SAP30BP: variants seen among roughly 807,000 people sequenced by gnomAD.
SAP30BP encodes the protein SAP30-binding protein.
Under a neutral mutation model 46.3 loss-of-function variants are expected in SAP30BP, and 31 were observed. That is an observed-to-expected ratio of 0.67 (90% CI 0.50 to 0.90). The LOEUF is 0.90. Among genes scored for constraint, SAP30BP ranks in the 40% least tolerant of loss-of-function variants. The pLI is 0.00. For missense variants in SAP30BP, 312 were observed against 391.0 expected (o/e 0.80, Z 1.70); for synonymous variants, 169 against 144.2 (o/e 1.17, Z -1.23).
chr17:75,669,863 T>C (rs1486968211), intron 2 of SAP30BP, among the ~76,000 whole-genome samples: 1 of 152,200 alleles, frequency 6.6e-6, no homozygotes. Flanking sequence ...AGCCAGAATT[T>C]AAGTTTGCAG....
chr17:75,676,134 A>T (rs1185531106), intron 3 of SAP30BP, among the ~76,000 whole-genome samples: 1 of 152,228 alleles, frequency 6.6e-6, no homozygotes. Flanking sequence ...TCAACAGGTG[A>T]TAGTTTCCTT....
intron 3 of SAP30BP, among the ~76,000 whole-genome samples, chr17:75,675,186 T>C (rs2059972238): frequency 6.6e-6 from 1 of 152,212 alleles, no homozygotes; most frequent in South Asian, 2.1e-4. Context: ...GTTTCGCTCT[T>C]GTTGCCCAAG....
At chr17:75,686,837 C>T (rs2060164713) in intron 3 of SAP30BP, among the ~76,000 whole-genome samples, 1 of 152,212 alleles carries the variant, frequency 6.6e-6, no homozygotes, top group African/African-American at 2.4e-5. Flanking sequence ...GGTTTGGAGG[C>T]TTTGCTGAGC....
At chr17:75,685,137 T>C (rs568625123) in intron 3 of SAP30BP, among the ~76,000 whole-genome samples, 1 of 152,248 alleles carries the variant, frequency 6.6e-6, no homozygotes, top group South Asian at 2.1e-4. Flanking sequence ...TGGTACACCC[T>C]CCCATCAGCC....
At chr17:75,672,163 A>C in intron 3 of SAP30BP, 1 of 390,164 alleles carries the variant, frequency 2.6e-6, no homozygotes, top group South Asian at 2.7e-5. Context: ...ATGGGGCTTT[A>C]AGTGTCACTG....
intron 4 of SAP30BP, among the ~76,000 whole-genome samples, chr17:75,696,260 C>T (rs1181467897): frequency 6.6e-6 from 1 of 152,036 alleles, no homozygotes; most frequent in Non-Finnish European, 1.5e-5. Context: ...CTCAGCTGGT[C>T]GCAGTGGCTC....
Position 75,706,720 on chromosome 17 carries a change from C to G in SAP30BP, c.*199C>G. 1.7e-6 allele frequency: 1 copy of G among 587,856 alleles called. No homozygotes were observed. Among genetic ancestry groups the G allele is most frequent in the Non-Finnish European group, 3.0e-6 (1 of 331,246 alleles). The allele number at this position is 587,856 out of a possible 1,614,324, so 36.4% of individuals were successfully genotyped here. A position where few individuals can be genotyped will look rare whatever the true frequency, so the allele number is the denominator to read the frequency against. On this transcript the variant is annotated 3_prime_UTR_variant, in exon 11 of 11. Coordinates refer to ENST00000584667, the MANE Select transcript of SAP30BP (RefSeq NM_013260.8). This position sits in a 1 kb window ranked among gnomAD's most constrained non-coding sequence, Gnocchi z 4.6. ...GTGGACAGGGTCTGTCCACGCACCA[C>G]CTGGGGTCTGCCGCCTATTAAAAGT...
chr17:75,698,268 T>C (rs991502770), intron 4 of SAP30BP, among the ~76,000 whole-genome samples: 2 of 152,234 alleles, frequency 1.3e-5, no homozygotes, highest in Non-Finnish European at 2.9e-5. Context: ...GGCCTTTTGT[T>C]CTCAGGAATG....
rs145346266 is a variant in SAP30BP at position 75,677,464 on chromosome 17, G to A, written c.264+5601G>A. 4.1e-3 allele frequency among the ~76,000 whole-genome samples: 522 copies of A among 127,070 alleles called. 2 individuals are homozygous for A. Among genetic ancestry groups the A allele is most frequent in the Middle Eastern group, 0.017 (3 of 176 alleles). The allele number at this position is 127,070 out of a possible 152,430, so 83.4% of individuals were successfully genotyped here. A position where few individuals can be genotyped will look rare whatever the true frequency, so the allele number is the denominator to read the frequency against. On this transcript the variant is annotated intron_variant, in intron 3 of 10. Transcript: ENST00000584667. ...TTTTTTTTTTTGGAAACGAAGTCTC[G>A]CTCTGTCACCCAGGCTGGAGTGCAG...
rs902350238 is a variant in SAP30BP at position 75,707,493 on chromosome 17, G to T, written c.*972G>T. 6.5e-6 allele frequency: 1 copy of T among 152,712 alleles called. No homozygotes were observed. Among genetic ancestry groups the T allele is most frequent in the Non-Finnish European group, 1.5e-5 (1 of 68,110 alleles). The allele number at this position is 152,712 out of a possible 1,614,324, so 9.5% of individuals were successfully genotyped here. A position where few individuals can be genotyped will look rare whatever the true frequency, so the allele number is the denominator to read the frequency against. On this transcript the variant is annotated 3_prime_UTR_variant, in exon 11 of 11. Coordinates refer to ENST00000584667, the MANE Select transcript of SAP30BP (RefSeq NM_013260.8). ...ATCTTTGGCGATTCTCCACTGGAGC[G>T]GAAGGGCTGTGTGTCAAAAGAAGGA...
At chr17:75,700,591 G>A (rs1009194467) in intron 5 of SAP30BP, among the ~76,000 whole-genome samples, 10 of 152,178 alleles carry the variant, frequency 6.6e-5, no homozygotes, top group Non-Finnish European at 8.8e-5. Context: ...CCGCCCTAAC[G>A]GATGGATGAC....
At chr17:75,682,688 G>A (rs1404391942) in intron 3 of SAP30BP, among the ~76,000 whole-genome samples, 1 of 152,014 alleles carries the variant, frequency 6.6e-6, no homozygotes, top group Non-Finnish European at 1.5e-5. Flanking sequence ...ATGAGGCTGG[G>A]CGCAGTGGCT....
chr17:75,675,244 G>A (rs989600496), intron 3 of SAP30BP, among the ~76,000 whole-genome samples: 3 of 151,956 alleles, frequency 2.0e-5, no homozygotes, highest in South Asian at 2.1e-4. Flanking sequence ...TCTGCCTCCC[G>A]CATTCAAGCC....
intron 5 of SAP30BP, among the ~76,000 whole-genome samples, chr17:75,700,476 A>C (rs756528284): frequency 6.6e-6 from 1 of 152,160 alleles, no homozygotes; most frequent in Non-Finnish European, 1.5e-5. Context: ...TGAACAATAG[A>C]ACAGGCACCC....
chr17:75,687,704 C>T (rs1265748070), intron 3 of SAP30BP, among the ~76,000 whole-genome samples: 1 of 152,070 alleles, frequency 6.6e-6, no homozygotes, highest in African/African-American at 2.4e-5. Flanking sequence ...GGTGTCCCCT[C>T]CCCACCTTCT....
At chr17:75,687,917 G>GGTGTGTGTGTGTGTGTGT (rs68006166) in intron 3 of SAP30BP, among the ~76,000 whole-genome samples, 17 of 120,364 alleles carry the variant, frequency 1.4e-4, no homozygotes, top group African/African-American at 4.2e-4. Context: ...CAGTGTTTGG[G>GGTGTGTGTGTGTGTGTGT]GTGTGTGTGT....
intron 9 of SAP30BP, chr17:75,705,064 A>G (rs1375007094): frequency 2.1e-6 from 1 of 485,724 alleles, no homozygotes; most frequent in Non-Finnish European, 3.8e-6. Flanking sequence ...CCAATTGCAG[A>G]GCCTTGGGGG....
intron 3 of SAP30BP, among the ~76,000 whole-genome samples, chr17:75,681,025 AC>A (rs1203401966): frequency 6.6e-6 from 1 of 152,044 alleles, no homozygotes; most frequent in Non-Finnish European, 1.5e-5. Flanking sequence ...GCAAACCAAG[AC>A]CCTGTCTGAA....
chr17:75,685,110 G>C (rs1032618179), intron 3 of SAP30BP, among the ~76,000 whole-genome samples: 1 of 152,170 alleles, frequency 6.6e-6, no homozygotes, highest in Non-Finnish European at 1.5e-5. Context: ...ACAGCCCACA[G>C]GGAGCCACCG....
Sources: gnomAD v4.1 joint callset for allele counts (sites outside exome capture counted in the v4.1 genomes callset) on GRCh38, gnomAD v4.1.1 for gene constraint, Gnocchi (gnomAD v3.1) non-coding constraint, MANE v1.5 for transcripts, NCBI Gene and HGNC (gene_info 2026-07-23, HGNC 2026-07-21) for gene names.